Variants in PLXDC2 observed in about 807,000 individuals in gnomAD.
PLXDC2 encodes plexin domain-containing protein 2.
Under a neutral mutation model 68.9 loss-of-function variants are expected in PLXDC2, and 40 were observed. That is an observed-to-expected ratio of 0.58 (90% confidence interval 0.45 to 0.76). The LOEUF (loss-of-function observed/expected upper bound fraction) is 0.76. Ranked by LOEUF, PLXDC2 falls within the 30% of genes least tolerant of loss-of-function variation. The pLI is 0.00. For synonymous variants in PLXDC2, 243 were observed against 234.2 expected (o/e 1.04, Z -0.34); for missense variants, 644 against 661.9 (o/e 0.97, Z 0.30).
intron 4 of PLXDC2, among the ~76,000 whole-genome samples, chr10:20,127,338 G>C (rs1271424159): frequency 1.3e-5 from 2 of 152,130 alleles, no homozygotes; most frequent in African/African-American, 2.4e-5. Context: ...TCCTAGAACT[G>C]TGTAAACAAT....
intron 1 of PLXDC2, among the ~76,000 whole-genome samples, chr10:19,860,877 T>G (rs2131334678): frequency 6.6e-6 from 1 of 152,296 alleles, no homozygotes. Flanking sequence ...TCTTCTTTAC[T>G]CCTACTCTGT....
intron 3 of PLXDC2, among the ~76,000 whole-genome samples, chr10:20,061,791 A>G (rs1244403177): frequency 1.3e-5 from 2 of 152,236 alleles, no homozygotes; most frequent in Non-Finnish European, 2.9e-5. Context: ...AGACATCGTA[A>G]CATTGCCTAG....
chr10:19,998,734 A>G (rs925385264), intron 1 of PLXDC2, among the ~76,000 whole-genome samples: 6 of 152,150 alleles, frequency 3.9e-5, no homozygotes, highest in African/African-American at 1.4e-4. Context: ...AGGTTTGTCA[A>G]CATTTGACTG....
At chr10:20,083,140 G>A (rs1039951109) in intron 4 of PLXDC2, among the ~76,000 whole-genome samples, 14 of 152,074 alleles carry the variant, frequency 9.2e-5, no homozygotes, top group Non-Finnish European at 1.6e-4. Flanking sequence ...TCAGGAGTAG[G>A]AAAGAGATGT....
At chr10:20,276,880 G>T (rs2778959) in intron 13 of PLXDC2, among the ~76,000 whole-genome samples, 69,175 of 151,844 alleles carry the variant, frequency 0.46, 17,294 homozygotes, top group Middle Eastern at 0.62. Context: ...CTCTGGGTAG[G>T]TGGCTCCTAT....
chr10:19,883,395 C>G (rs541201111), intron 1 of PLXDC2, among the ~76,000 whole-genome samples: 2 of 152,064 alleles, frequency 1.3e-5, no homozygotes, highest in African/African-American at 4.8e-5. Flanking sequence ...AAAACTCCAC[C>G]CTCTTCTTTT....
intron 8 of PLXDC2, 111 bp downstream of exon 8, chr10:20,177,205 G>T: frequency 7.7e-7 from 1 of 1,297,326 alleles, no homozygotes; most frequent in South Asian, 1.2e-5. Context: ...AATTGTGTTT[G>T]GCATGCATGG....
chr10:20,028,584 A>T (rs919361361), intron 2 of PLXDC2, among the ~76,000 whole-genome samples: 3 of 152,176 alleles, frequency 2.0e-5, no homozygotes, highest in Non-Finnish European at 4.4e-5. Flanking sequence ...TAACTGACAT[A>T]AGTTACTCTA....
intron 9 of PLXDC2, among the ~76,000 whole-genome samples, chr10:20,202,291 T>C (rs560368449): frequency 2.0e-5 from 3 of 152,286 alleles, no homozygotes; most frequent in Admixed American, 6.5e-5. Flanking sequence ...CTTGCTACTA[T>C]GGTTTATTCT....
At chr10:20,100,339 C>T (rs7921669) in intron 4 of PLXDC2, among the ~76,000 whole-genome samples, 16,043 of 152,054 alleles carry the variant, frequency 0.11, 1,002 homozygotes, top group South Asian at 0.29. Context: ...ATTCCATTTT[C>T]GTTTTGTGTG....
chr10:20,259,166 A>G (rs2119363034), intron 13 of PLXDC2, among the ~76,000 whole-genome samples: 1 of 152,224 alleles, frequency 6.6e-6, no homozygotes, highest in African/African-American at 2.4e-5. Flanking sequence ...ACACACACAT[A>G]TTTATTAATT....
At chr10:20,137,795 C>T (rs914475104) in intron 4 of PLXDC2, among the ~76,000 whole-genome samples, 2 of 152,208 alleles carry the variant, frequency 1.3e-5, no homozygotes, top group East Asian at 1.9e-4. Context: ...CGCACGTTCT[C>T]CCCATGTCTG....
chr10:19,844,436 G>C (rs1373654159), intron 1 of PLXDC2, among the ~76,000 whole-genome samples: 1 of 152,096 alleles, frequency 6.6e-6, no homozygotes, highest in Non-Finnish European at 1.5e-5. Flanking sequence ...TTAGTCAAAA[G>C]TGATGTATTA....
At chr10:19,966,456 T>TGCACATATATAAA (rs1554849300) in intron 1 of PLXDC2, among the ~76,000 whole-genome samples, 1 of 5,402 alleles carries the variant, frequency 1.9e-4, no homozygotes, top group African/African-American at 1.3e-3. Context: ...AACATGTGTG[T>TGCACATATATAAA]ATATGTACAC....
At chr10:19,827,675 C>T (rs1483944276) in intron 1 of PLXDC2, among the ~76,000 whole-genome samples, 1 of 151,882 alleles carries the variant, frequency 6.6e-6, no homozygotes, top group East Asian at 1.9e-4. Flanking sequence ...ATTTTCCTGC[C>T]TCAGTCTCCC....
chr10:20,252,779 A>G (rs1439685783), intron 13 of PLXDC2, among the ~76,000 whole-genome samples: 3 of 152,202 alleles, frequency 2.0e-5, no homozygotes, highest in Non-Finnish European at 4.4e-5. Flanking sequence ...GATGATAAAC[A>G]CATTCTAAGT....
At chr10:19,973,376 A>C (rs991373355) in intron 1 of PLXDC2, among the ~76,000 whole-genome samples, 4 of 98,394 alleles carry the variant, frequency 4.1e-5, no homozygotes, top group Non-Finnish European at 8.9e-5. Context: ...ATACATATAT[A>C]TGTGAATATA....
chr10:19,876,168 A>C (rs1181709470), intron 1 of PLXDC2, among the ~76,000 whole-genome samples: 1 of 152,148 alleles, frequency 6.6e-6, no homozygotes, highest in African/African-American at 2.4e-5. Flanking sequence ...AAGGAAAAAA[A>C]ATAGGTCAGG....
chr10:20,059,149 A>G (rs1302020042), intron 3 of PLXDC2, among the ~76,000 whole-genome samples: 1 of 152,128 alleles, frequency 6.6e-6, no homozygotes, highest in Non-Finnish European at 1.5e-5. Context: ...AACTCTCTTG[A>G]CTTGCTTCTA....
Sources: gnomAD v4.1 joint callset for allele counts (sites outside exome capture counted in the v4.1 genomes callset) on GRCh38, gnomAD v4.1.1 for gene constraint, MANE v1.5 for transcripts, NCBI Gene and HGNC (gene_info 2026-07-23, HGNC 2026-07-21) for gene names.